MGMT: variants seen among roughly 807,000 people sequenced by gnomAD.
MGMT encodes the protein O-6-methylguanine-DNA methyltransferase.
In MGMT, 14 loss-of-function variants were observed where a neutral mutation model predicts 15.9. The observed-to-expected ratio is 0.88, with a 90% CI of 0.58 to 1.37. The LOEUF is 1.37. Ranked by LOEUF, MGMT falls within the 40% of genes most tolerant of loss-of-function variation. The probability of loss-of-function intolerance (pLI) is 0.00; values close to 1 mark genes in which losing one functional copy is unlikely to be tolerated. For synonymous variants in MGMT, 130 were observed against 118.2 expected, an observed-to-expected ratio of 1.10 and a Z score of -0.65; for missense variants, 282 against 268.1, an observed-to-expected ratio of 1.05 and a Z score of -0.36.
In MGMT at chr10:129,533,446, G is replaced by A. The variant is rs956105731; in HGVS notation, c.-12-2795G>A. Among the ~76,000 whole-genome samples, 1 of 152,160 alleles carries A rather than the reference G, an allele frequency of 6.6e-6. No homozygotes were observed. The highest frequency in any genetic ancestry group is 2.4e-5 in the African/African-American group (1 of 41,434). On this transcript the variant is annotated intron_variant, in intron 1 of 4. Transcript: ENST00000651593. This position sits in a 1 kb window ranked among gnomAD's most constrained non-coding sequence, Gnocchi z 4.5. ...CCTGCAGCCCTGCCCGAACTGGGATGATAGAGCAGCAAACATGGCTCCATG... is the reference window on the plus strand; with the variant it reads ...CCTGCAGCCCTGCCCGAACTGGGATAATAGAGCAGCAAACATGGCTCCATG...
chr10:129,502,853 C>A (rs533951737), intron 1 of MGMT, among the ~76,000 whole-genome samples: 2 of 152,242 alleles, frequency 1.3e-5, no homozygotes, highest in Admixed American at 1.3e-4. Flanking sequence ...GACAAACAAG[C>A]CTTAGCGAGG....
intron 2 of MGMT, among the ~76,000 whole-genome samples, chr10:129,705,678 A>G (rs1408830566): frequency 1.3e-5 from 2 of 152,220 alleles, no homozygotes; most frequent in African/African-American, 4.8e-5. Context: ...AGTTGTGACT[A>G]CATCTTCTTT....
chr10:129,517,682 T>C (rs1845754282), intron 1 of MGMT, among the ~76,000 whole-genome samples: 2 of 152,164 alleles, frequency 1.3e-5, no homozygotes, highest in African/African-American at 4.8e-5. Context: ...GCCTCTGTCC[T>C]TTTCCTGTTG....
chr10:129,743,538 C>T (rs1848662041), intron 3 of MGMT, among the ~76,000 whole-genome samples: 1 of 152,120 alleles, frequency 6.6e-6, no homozygotes, highest in African/African-American at 2.4e-5. Context: ...TCTGTCCCTG[C>T]CCATTGTCCG....
At chr10:129,762,317 C>G (rs1848883327) in intron 4 of MGMT, among the ~76,000 whole-genome samples, 1 of 152,188 alleles carries the variant, frequency 6.6e-6, no homozygotes, top group Non-Finnish European at 1.5e-5. Flanking sequence ...TGCATTAATT[C>G]CTTAGGTGGC....
At chr10:129,621,898 A>G (rs1272479527) in intron 2 of MGMT, among the ~76,000 whole-genome samples, 5 of 152,338 alleles carry the variant, frequency 3.3e-5, no homozygotes, top group African/African-American at 1.2e-4. Flanking sequence ...TAACTCTTAG[A>G]ATTTGTTAAC....
At chr10:129,764,716 G>A (rs1249843414) in intron 4 of MGMT, among the ~76,000 whole-genome samples, 4 of 152,166 alleles carry the variant, frequency 2.6e-5, no homozygotes, top group South Asian at 2.1e-4. Flanking sequence ...AGTGATACCC[G>A]GGGGTACCCG....
At chr10:129,711,925 C>T (rs111793492) in intron 3 of MGMT, among the ~76,000 whole-genome samples, 2,375 of 152,080 alleles carry the variant, frequency 0.016, 19 homozygotes, top group Non-Finnish European at 0.025. Flanking sequence ...TCCCTGATTT[C>T]TTAGTGTTTA....
chr10:129,633,538 A>G (rs1847234451), intron 2 of MGMT, among the ~76,000 whole-genome samples: 1 of 152,198 alleles, frequency 6.6e-6, no homozygotes, highest in Non-Finnish European at 1.5e-5. Flanking sequence ...TTTTTATAGT[A>G]TAGTTATATT....
chr10:129,665,813 G>GGGAGACTGAAGAGACAT lies in MGMT; in HGVS notation c.126-42079_126-42063dup, dbSNP rs1847652525. ...AGGCTGTAAAACTGTTCCAGCTTGA[G>GGGAGACTGAAGAGACAT]GGAGACTGAAGAGACATGGCGACTG... is the stretch of plus-strand genomic sequence containing the variant. On this transcript the variant is annotated intron_variant, in intron 2 of 4. Coordinates refer to ENST00000651593, the MANE Select transcript of MGMT (RefSeq NM_002412.5). Among the ~76,000 whole-genome samples the GGGAGACTGAAGAGACAT allele has an allele frequency of 3.3e-5, 5 of 152,320 alleles. 1 individual carries two copies. In the South Asian group the frequency reaches 1.0e-3, roughly 32 times the overall value.
chr10:129,696,016 A>G (rs763390257), intron 2 of MGMT, among the ~76,000 whole-genome samples: 66 of 152,134 alleles, frequency 4.3e-4, no homozygotes, highest in Non-Finnish European at 1.0e-4. Flanking sequence ...TGTTTCCAGT[A>G]GATGAGAAGG....
chr10:129,474,781 A>C (rs1845271439), intron 1 of MGMT, among the ~76,000 whole-genome samples: 1 of 152,190 alleles, frequency 6.6e-6, no homozygotes, highest in African/African-American at 2.4e-5. Flanking sequence ...CTGGGGCCTT[A>C]AACACCATGA....
rs375139743 is a variant in MGMT at position 129,749,325 on chromosome 10, AT to A, written c.275-9876del. On this transcript the variant is annotated intron_variant, in intron 3 of 4. Coordinates refer to ENST00000651593, the MANE Select transcript of MGMT (RefSeq NM_002412.5). ...TCTGAAAGTGCCCCGGCAACCACTT[AT>A]CTTTTTTCTGTCTATATAGTTTTGC... is the stretch of plus-strand genomic sequence containing the variant. Among the ~76,000 whole-genome samples, 107 of 152,266 alleles carry A rather than the reference AT, an allele frequency of 7.0e-4. 1 individual carries two copies. The East Asian group carries it at 9.4e-3, about 13-fold the overall frequency.
At chr10:129,498,532 G>A (rs1177536722) in intron 1 of MGMT, among the ~76,000 whole-genome samples, 7 of 152,182 alleles carry the variant, frequency 4.6e-5, no homozygotes, top group African/African-American at 9.6e-5. Context: ...TCACATCAGC[G>A]TAGACTCATG....
At chr10:129,729,905 C>A (rs187443008) in intron 3 of MGMT, among the ~76,000 whole-genome samples, 1 of 152,172 alleles carries the variant, frequency 6.6e-6, no homozygotes, top group Non-Finnish European at 1.5e-5. Flanking sequence ...CCACCCACCC[C>A]CTTAGATTTG....
intron 3 of MGMT, among the ~76,000 whole-genome samples, chr10:129,754,551 G>A (rs1389782579): frequency 6.6e-6 from 1 of 152,156 alleles, no homozygotes; most frequent in Non-Finnish European, 1.5e-5. Flanking sequence ...TTCCTCACTC[G>A]CCCTGAACAT....
chr10:129,590,851 G>C (rs997152347), intron 2 of MGMT, among the ~76,000 whole-genome samples: 3 of 152,226 alleles, frequency 2.0e-5, no homozygotes, highest in Non-Finnish European at 2.9e-5. Flanking sequence ...TCGGTGCAGT[G>C]TGCAGGTTAA....
At chr10:129,594,695 G>C (rs145965726) in intron 2 of MGMT, among the ~76,000 whole-genome samples, 1 of 152,192 alleles carries the variant, frequency 6.6e-6, no homozygotes, top group Non-Finnish European at 1.5e-5. Flanking sequence ...AGAAACAGTG[G>C]GGCTGGAGAC....
At chr10:129,648,837 T>A (rs760317452) in intron 2 of MGMT, among the ~76,000 whole-genome samples, 34 of 152,196 alleles carry the variant, frequency 2.2e-4, no homozygotes, top group Non-Finnish European at 4.3e-4. Context: ...TCTCTGAATA[T>A]CATCCCTGAA....
Sources: gnomAD v4.1 joint callset for allele counts (sites outside exome capture counted in the v4.1 genomes callset) on GRCh38, gnomAD v4.1.1 for gene constraint, Gnocchi (gnomAD v3.1) non-coding constraint, MANE v1.5 for transcripts, NCBI Gene and HGNC (gene_info 2026-07-23, HGNC 2026-07-21) for gene names.